The following TP73 variants were observed in gnomAD, a reference collection of about 807,000 sequenced individuals.
The protein encoded by TP73 is p53-like transcription factor.
Under a neutral mutation model 62.5 loss-of-function variants are expected in TP73, and 25 were observed. The ratio of observed to expected loss-of-function variants is 0.40; its 90% CI spans 0.29 to 0.56. TP73 has a LOEUF of 0.56. Ranked by LOEUF, TP73 falls within the 20% of genes least tolerant of loss-of-function variation. The pLI is 0.46. For synonymous variants in TP73, 423 were observed against 377.5 expected (o/e 1.12, Z -1.40); for missense variants, 754 against 913.3 (o/e 0.83, Z 2.25).
chr1:3,671,413 C>G (rs939924613), intron 1 of TP73, among the ~76,000 whole-genome samples: 8 of 152,238 alleles, frequency 5.3e-5, no homozygotes, highest in Non-Finnish European at 1.0e-4. Flanking sequence ...TGGCCAGTGC[C>G]CCTCCATTCG....
chr1:3,658,872 G>A (rs1341109229), intron 1 of TP73: 5 of 151,356 alleles, frequency 3.3e-5, no homozygotes, highest in African/African-American at 1.2e-4. Context: ...TCATATTTAG[G>A]GGTGGCGTAT....
At chr1:3,721,861 C>T (rs533702029) in intron 4 of TP73, among the ~76,000 whole-genome samples, 160 bp from the exon 5 acceptor site, 1 of 152,322 alleles carries the variant, frequency 6.6e-6, no homozygotes, top group Admixed American at 6.5e-5. Context: ...AAAGGACAGA[C>T]ACCTGGAGGG....
intron 1 of TP73, among the ~76,000 whole-genome samples, chr1:3,674,564 G>A (rs1645319586): frequency 6.6e-6 from 1 of 152,222 alleles, no homozygotes; most frequent in East Asian, 1.9e-4. Flanking sequence ...CTGTCTGAAG[G>A]ACCTGGCCCC....
At chr1:3,720,906 G>A (rs894835584) in intron 4 of TP73, among the ~76,000 whole-genome samples, 1 of 152,248 alleles carries the variant, frequency 6.6e-6, no homozygotes, top group Non-Finnish European at 1.5e-5. Flanking sequence ...GGTGGAGTGC[G>A]ATGGGACATT....
In TP73 at chr1:3,689,637, G is replaced by T. The variant is rs556995176; in HGVS notation, c.186+6457G>T. Among the ~76,000 whole-genome samples the T allele has an allele frequency of 2.6e-5, 4 of 151,926 alleles. No individual in the cohort carries two copies. The East Asian group carries it at 5.8e-4, about 22-fold the overall frequency. On this transcript the variant is annotated intron_variant, in intron 3 of 13. Coordinates refer to ENST00000378295, the MANE Select transcript of TP73 (RefSeq NM_005427.4). Reference sequence around the variant, plus strand: ...TGAGGCCCCTGCCGGCTCTCGGTGGGGACGACAGGGAGGAAGGAAGCTGGG... The same window carrying T: ...TGAGGCCCCTGCCGGCTCTCGGTGGTGACGACAGGGAGGAAGGAAGCTGGG...
At chr1:3,661,167 T>C (rs1644979594) in intron 1 of TP73, among the ~76,000 whole-genome samples, 1 of 152,186 alleles carries the variant, frequency 6.6e-6, no homozygotes, top group African/African-American at 2.4e-5. Context: ...TATGTTTTTA[T>C]AAGGAGAGAA....
intron 3 of TP73, among the ~76,000 whole-genome samples, chr1:3,688,055 CAG>C (rs1645709509): frequency 1.3e-5 from 2 of 152,238 alleles, no homozygotes; most frequent in South Asian, 4.1e-4. Flanking sequence ...GGCAGGCGGA[CAG>C]AGGGAGAAGG....
Position 3,733,214 on chromosome 1 carries a change from TCCC to T in TP73, c.*137_*139del. On this transcript the variant is annotated 3_prime_UTR_variant, in exon 14 of 14. Coordinates refer to ENST00000378295, the MANE Select transcript of TP73 (RefSeq NM_005427.4). ...CCGGGGAAAGGCAAGGTCCGGCCCA[TCCC>T]CAGGCACCTCACAGGCCCCAGGAAA... The T allele has an allele frequency of 9.2e-7, 1 of 1,092,460 alleles. No individual in the cohort carries two copies. The highest frequency in any genetic ancestry group is 1.3e-6 in the Non-Finnish European group (1 of 785,578). 67.7% of individuals were successfully genotyped at this position (1,092,460 alleles called of 1,614,324 possible).
At chr1:3,731,167 C>G in intron 12 of TP73, 102 bp downstream of exon 12, 4 of 1,473,716 alleles carry the variant, frequency 2.7e-6, no homozygotes, top group Non-Finnish European at 3.6e-6. Context: ...GTGTGCTCAC[C>G]ACTCGCAACC....
intron 6 of TP73, among the ~76,000 whole-genome samples, chr1:3,726,441 GTGGGTGGGTGGA>G: frequency 8.1e-6 from 1 of 123,238 alleles, no homozygotes; most frequent in East Asian, 2.6e-4. Context: ...GGGTGGACGT[GTGGGTGGGTGGA>G]TGGGTGGATG....
At chr1:3,682,223 C>T in intron 1 of TP73, 110 bp from the exon 2 acceptor site, 1 of 757,688 alleles carries the variant, frequency 1.3e-6, no homozygotes, top group Non-Finnish European at 1.9e-6. Context: ...GCACCTGCTC[C>T]AGGGATGCCC....
chr1:3,665,429 A>G (rs886900115), intron 1 of TP73, among the ~76,000 whole-genome samples: 3 of 152,244 alleles, frequency 2.0e-5, no homozygotes, highest in Non-Finnish European at 4.4e-5. Flanking sequence ...TGAGGCCAGT[A>G]TAACTCCAAG....
intron 4 of TP73, chr1:3,714,361 A>G (rs185779726): frequency 6.6e-6 from 1 of 152,090 alleles, no homozygotes; most frequent in African/African-American, 2.4e-5. Context: ...ACCCTGGGGC[A>G]CCCTTCCAAT....
chr1:3,681,552 C>T (rs1645521134), intron 1 of TP73, among the ~76,000 whole-genome samples: 1 of 152,194 alleles, frequency 6.6e-6, no homozygotes, highest in African/African-American at 2.4e-5. Context: ...AAGGCGTGAC[C>T]ACCCAGGCAG....
At chr1:3,731,152 A>C (rs2124544997) in intron 12 of TP73, 87 bp downstream of exon 12, 1 of 1,523,990 alleles carries the variant, frequency 6.6e-7, no homozygotes. Context: ...GCCCTGCCCC[A>C]CCCTGTGTGC....
chr1:3,728,904 C>A (rs1195058302), intron 9 of TP73, among the ~76,000 whole-genome samples: 1 of 152,164 alleles, frequency 6.6e-6, no homozygotes, highest in African/African-American at 2.4e-5. Context: ...AGGAGGATCG[C>A]CTGAGCCCAG....
In TP73 at chr1:3,701,242, C is replaced by T. The variant is rs1235540132; in HGVS notation, c.187-6307C>T. Among the ~76,000 whole-genome samples, 1 of 152,178 alleles carries T rather than the reference C, an allele frequency of 6.6e-6. No homozygotes were observed. Among genetic ancestry groups the T allele is most frequent in the Non-Finnish European group, 1.5e-5 (1 of 68,018 alleles). On this transcript the variant is annotated intron_variant, in intron 3 of 13. Coordinates refer to ENST00000378295, the MANE Select transcript of TP73 (RefSeq NM_005427.4). This position sits in a 1 kb window ranked among gnomAD's most constrained non-coding sequence, Gnocchi z 4.7. ...AGCACCTGCTCTTCCCCATCCGTCC[C>T]TGTGCCCAGGGCTTAGCGACTGTCC...
At chr1:3,706,321 G>A (rs1466531451) in intron 3 of TP73, among the ~76,000 whole-genome samples, 4 of 151,468 alleles carry the variant, frequency 2.6e-5, no homozygotes, top group South Asian at 4.2e-4. Flanking sequence ...GGTGCCCACC[G>A]CAGGCCTGGG....
rs1039169894 is a variant in TP73 at position 3,663,053 on chromosome 1, C to T, written c.-34+10412C>T. On this transcript the variant is annotated intron_variant, in intron 1 of 13. Transcript: ENST00000378295. This position sits in a 1 kb window ranked among gnomAD's most constrained non-coding sequence, Gnocchi z 4.7. ...AGATGAGGGCTTTGCTGATCATTAT[C>T]TGGAAACAGTGATCACTGTCCCATT... Among the ~76,000 whole-genome samples, 1 of 152,236 alleles carries T rather than the reference C, an allele frequency of 6.6e-6. No individual in the cohort carries two copies. Among genetic ancestry groups the T allele is most frequent in the Non-Finnish European group, 1.5e-5 (1 of 68,040 alleles).
Sources: allele counts gnomAD v4.1 joint callset (sites outside exome capture counted in the v4.1 genomes callset), GRCh38; gene constraint gnomAD v4.1.1; non-coding constraint Gnocchi (gnomAD v3.1); transcripts MANE v1.5; gene names NCBI Gene and HGNC (gene_info 2026-07-23, HGNC 2026-07-21).